Variants in RPS6KA2 observed in about 807,000 individuals in gnomAD.
The protein encoded by RPS6KA2 is ribosomal protein S6 kinase A2.
Under a neutral mutation model 91.8 loss-of-function variants are expected in RPS6KA2, and 42 were observed. The observed-to-expected ratio is 0.46, with a 90% CI of 0.36 to 0.59. The LOEUF (loss-of-function observed/expected upper bound fraction) is 0.59. Ranked by LOEUF, RPS6KA2 falls within the 20% of genes least tolerant of loss-of-function variation. The pLI is 0.00. For synonymous variants in RPS6KA2, 414 were observed against 393.6 expected (o/e 1.05, Z -0.61); for missense variants, 798 against 978.5 (o/e 0.82, Z 2.46).
chr6:166,829,168 A>G (rs773721310), intron 2 of RPS6KA2, among the ~76,000 whole-genome samples: 2 of 152,232 alleles, frequency 1.3e-5, no homozygotes, highest in Non-Finnish European at 2.9e-5. Flanking sequence ...TATAGCTGCT[A>G]TCAACGAAGC....
intron 2 of RPS6KA2, among the ~76,000 whole-genome samples, chr6:166,798,644 C>T (rs1271310515): frequency 6.6e-6 from 1 of 152,200 alleles, no homozygotes; most frequent in African/African-American, 2.4e-5. Context: ...ATCTATGGGG[C>T]ACATGGCATA....
rs76798286 is a variant in RPS6KA2, at chr6:166,800,328, C to T, written c.123+57872G>A. Among the ~76,000 whole-genome samples the T allele has an allele frequency of 7.7e-3, 1,167 of 152,306 alleles. 19 individuals carry two copies. The highest frequency in any genetic ancestry group is 0.027 in the African/African-American group (1,113 of 41,570). ...GGACATGGGGGAGCAGCCCAGCTCC[C>T]GGACAGTTCTGCGGCACAGTCTAGG... On this transcript the variant is annotated intron_variant, in intron 2 of 21. Coordinates refer to the RPS6KA2 transcript ENST00000503859.
chr6:166,482,313 A>C (rs1246759158), intron 10 of RPS6KA2, among the ~76,000 whole-genome samples: 2 of 152,200 alleles, frequency 1.3e-5, no homozygotes, highest in African/African-American at 4.8e-5. Flanking sequence ...TTGGGTTGTC[A>C]CCAGTTTCTG....
chr6:166,704,421 T>C lies in RPS6KA2; in HGVS notation c.123+153779A>G, dbSNP rs181348972. Among the ~76,000 whole-genome samples, 5 of 152,368 alleles carry C rather than the reference T, an allele frequency of 3.3e-5. No individual in the cohort carries two copies. The East Asian group carries it at 9.6e-4, about 29-fold the overall frequency. On this transcript the variant is annotated intron_variant, in intron 2 of 21. Coordinates refer to the RPS6KA2 transcript ENST00000503859. ...TTTTCTAAAACACACGTGTAACTGA[T>C]AGACTTAGCGACTGACTAGGTGTGA...
intron 2 of RPS6KA2, among the ~76,000 whole-genome samples, chr6:166,745,411 CAA>C (rs937838894): frequency 6.6e-6 from 1 of 152,136 alleles, no homozygotes; most frequent in Admixed American, 6.5e-5. Flanking sequence ...CTTGGCCTCC[CAA>C]AGTGTTGGGA....
intron 2 of RPS6KA2, among the ~76,000 whole-genome samples, chr6:166,704,524 G>A (rs560053208): frequency 5.9e-5 from 9 of 152,340 alleles, no homozygotes; most frequent in African/African-American, 1.9e-4. Flanking sequence ...GTAACAGCAG[G>A]TCTGTGCTAT....
intron 12 of RPS6KA2, among the ~76,000 whole-genome samples, chr6:166,454,315 T>C (rs1293026626): frequency 6.6e-6 from 1 of 152,074 alleles, no homozygotes; most frequent in Non-Finnish European, 1.5e-5. Context: ...CTAACCAACA[T>C]GGTGAAGCCC....
At chr6:166,736,130 C>T (rs1790664735) in intron 2 of RPS6KA2, among the ~76,000 whole-genome samples, 1 of 152,164 alleles carries the variant, frequency 6.6e-6, no homozygotes, top group Non-Finnish European at 1.5e-5. Flanking sequence ...ATAAAATCTA[C>T]TTGTGTGATA....
rs572915268 is a variant in RPS6KA2, at chr6:166,416,721, C to T, written c.1938+1504G>A. ...CCATCATCTCCACAATCGTCACCTC[C>T]ACCATCCCTCCACAATCACCTCCAT... is the stretch of plus-strand genomic sequence containing the variant. On this transcript the variant is annotated intron_variant, in intron 19 of 20. Coordinates refer to ENST00000265678, the MANE Select transcript of RPS6KA2 (RefSeq NM_021135.6). Among the ~76,000 whole-genome samples, 20 of 151,726 alleles carry T rather than the reference C, an allele frequency of 1.3e-4. No homozygotes were observed. In the South Asian group the frequency reaches 4.2e-3, roughly 32 times the overall value.
At chr6:166,744,670 C>T (rs1040011252) in intron 2 of RPS6KA2, among the ~76,000 whole-genome samples, 3 of 152,198 alleles carry the variant, frequency 2.0e-5, no homozygotes, top group African/African-American at 7.2e-5. Context: ...ACCTCTGCAA[C>T]ATCTGCTTGA....
chr6:166,620,669 C>A (rs750468541), intron 1 of RPS6KA2, among the ~76,000 whole-genome samples: 2 of 152,194 alleles, frequency 1.3e-5, no homozygotes, highest in African/African-American at 2.4e-5. Flanking sequence ...GTGCAAGAAC[C>A]TTTACAGATA....
chr6:166,464,907 A>G (rs895313737), intron 11 of RPS6KA2, among the ~76,000 whole-genome samples: 1 of 152,220 alleles, frequency 6.6e-6, no homozygotes, highest in Non-Finnish European at 1.5e-5. Context: ...CCGTCCCCAC[A>G]CTTACTGTCA....
intron 2 of RPS6KA2, among the ~76,000 whole-genome samples, chr6:166,819,315 A>G (rs1484370762): frequency 6.6e-6 from 1 of 152,140 alleles, no homozygotes; most frequent in Non-Finnish European, 1.5e-5. Context: ...TTCTTACATG[A>G]AAGGTAGCAT....
At chr6:166,472,778 C>T (rs902336300) in intron 10 of RPS6KA2, among the ~76,000 whole-genome samples, 4 of 152,126 alleles carry the variant, frequency 2.6e-5, no homozygotes, top group Non-Finnish European at 5.9e-5. Context: ...ACGGCTGGCT[C>T]GCTACGGGAT....
intron 1 of RPS6KA2, among the ~76,000 whole-genome samples, chr6:166,860,022 A>T (rs1367196288): frequency 1.3e-5 from 2 of 152,234 alleles, no homozygotes; most frequent in African/African-American, 2.4e-5. Flanking sequence ...TAGCTCTGCC[A>T]CATTTCTTGA....
chr6:166,716,473 GA>G (rs1490348432), intron 2 of RPS6KA2, among the ~76,000 whole-genome samples: 2 of 152,086 alleles, frequency 1.3e-5, no homozygotes, highest in African/African-American at 2.4e-5. Context: ...TCACTGTATC[GA>G]AATGACATTG....
chr6:166,766,461 G>A (rs1218641719), intron 2 of RPS6KA2, among the ~76,000 whole-genome samples: 2 of 152,118 alleles, frequency 1.3e-5, no homozygotes, highest in Non-Finnish European at 2.9e-5. Flanking sequence ...GAAAAGCCTT[G>A]GTAATTTTTG....
At position 166,588,211 on chromosome 6, in the gene RPS6KA2, G is replaced by C. The variant is rs539735965; in HGVS notation, c.99+38710C>G. Among the ~76,000 whole-genome samples, 6 of 150,906 alleles carry C rather than the reference G, an allele frequency of 4.0e-5. No homozygotes were observed. In the South Asian group the frequency reaches 1.1e-3, roughly 27 times the overall value. The stretch of plus-strand genomic sequence containing the variant: ...CTGCTCCCTGAGTGTGGTTTAAAAA[G>C]AGGAACAAGGACCTCCACAAAGTCA... On this transcript the variant is annotated intron_variant, in intron 1 of 20. Transcript: ENST00000265678.
intron 3 of RPS6KA2, 77 bp from the exon 4 acceptor site, chr6:166,510,434 A>G (rs956966454): frequency 6.7e-6 from 6 of 898,462 alleles, no homozygotes; most frequent in Non-Finnish European, 1.0e-5. Flanking sequence ...GAAATACTAG[A>G]TATAATTCCC....
Sources: gnomAD v4.1 joint callset for allele counts (sites outside exome capture counted in the v4.1 genomes callset) on GRCh38, gnomAD v4.1.1 for gene constraint, MANE v1.5 for transcripts, NCBI Gene and HGNC (gene_info 2026-07-23, HGNC 2026-07-21) for gene names.